Variants in ASB7 observed in about 807,000 individuals in gnomAD.
ASB7 encodes the protein ankyrin repeat and SOCS box containing 7.
A neutral mutation model predicts 32.5 loss-of-function variants in ASB7; 4 were observed. The observed-to-expected ratio is 0.12, with a 90% CI of 0.06 to 0.28. The LOEUF (loss-of-function observed/expected upper bound fraction) is 0.28. Ranked by LOEUF, ASB7 falls within the 10% of genes least tolerant of loss-of-function variation. ASB7 has a pLI of 1.00. For missense variants in ASB7, 181 were observed against 407.1 expected (o/e 0.44, Z 4.78); for synonymous variants, 172 against 155.6 (o/e 1.11, Z -0.78).
chr15:100,636,463 A>G (rs908505196), intron 5 of ASB7, among the ~76,000 whole-genome samples: 9 of 152,196 alleles, frequency 5.9e-5, no homozygotes, highest in African/African-American at 1.9e-4. Context: ...TCTCCTGTAC[A>G]TCATCCCAAA....
Position 100,612,401 on chromosome 15 carries a change from G to C in ASB7, c.185G>C (p.Cys62Ser). The change falls in exon 4 of 6, where the codon TGT (cysteine) becomes TCT (serine). Residue 62 changes from cysteine to serine, a missense_variant. Physicochemically the swap from Cys to Ser is moderately radical, Grantham distance 112. Coordinates refer to ENST00000332783, the MANE Select transcript of ASB7 (RefSeq NM_198243.3). ...TCTGCAGCAAGAGGAAAGGAAAGAT[G>C]TGTTCGGGTTTTTCTAGAACACGGA... ...HFSAARGKER[C>S]VRVFLEHGAD... is the part of the protein sequence containing the mutation. 1 of 1,613,982 alleles carries C rather than the reference G, an allele frequency of 6.2e-7. No individual in the cohort carries two copies. The highest frequency in any genetic ancestry group is 2.2e-5 in the East Asian group (1 of 44,884).
intron 2 of ASB7, among the ~76,000 whole-genome samples, chr15:100,608,037 G>T (rs1354072431): frequency 6.6e-6 from 1 of 152,184 alleles, no homozygotes; most frequent in Admixed American, 6.5e-5. Context: ...TTGAAGCTAT[G>T]TTGGGTCATG....
At position 100,605,884 on chromosome 15, in the gene ASB7, C is replaced by T. The variant is rs543595216; in HGVS notation, c.-174+2571C>T. 2.6e-5 allele frequency among the ~76,000 whole-genome samples: 4 copies of T among 152,310 alleles called. 1 individual carries two copies. The highest frequency in any genetic ancestry group is 2.6e-4 in the Admixed American group (4 of 15,304). ...CACTTCATGAAAATTATTGGTTTCT[C>T]TGCTGGAATTTATGTGGGTCATGGA... On this transcript the variant is annotated intron_variant, in intron 2 of 5. Coordinates refer to ENST00000332783, the MANE Select transcript of ASB7 (RefSeq NM_198243.3).
In ASB7 at chr15:100,612,515, C is replaced by A; in HGVS notation, c.211+88C>A. 3 of 1,226,632 alleles carry A rather than the reference C, an allele frequency of 2.4e-6. No homozygotes were observed. The South Asian group carries it at 3.8e-5, about 16-fold the overall frequency. The allele number at this position is 1,226,632 out of a possible 1,614,324, so 76.0% of individuals were successfully genotyped here. A position where few individuals can be genotyped will look rare whatever the true frequency, so the allele number is the denominator to read the frequency against. ...ATGTGTCTATTTGTAATTTTTAATG[C>A]TTCTCTTCTGTTAATACTCAACATA... is the stretch of plus-strand genomic sequence containing the variant. On this transcript the variant is annotated intron_variant, in intron 4 of 5. Transcript: ENST00000332783.
intron 5 of ASB7, among the ~76,000 whole-genome samples, chr15:100,640,466 G>C (rs1401585373): frequency 2.6e-5 from 4 of 152,198 alleles, no homozygotes; most frequent in Middle Eastern, 3.4e-3. Flanking sequence ...TTTAAAATGG[G>C]AAGCTGAAAT....
At chr15:100,643,715 A>C (rs1379403919) in intron 5 of ASB7, among the ~76,000 whole-genome samples, 1 of 150,514 alleles carries the variant, frequency 6.6e-6, no homozygotes, top group Non-Finnish European at 1.5e-5. Context: ...GGATGGTCTC[A>C]ATCTCCTGAC....
chr15:100,612,324 A>C lies in ASB7; in HGVS notation c.108A>C (p.Gln36His). The change falls in exon 4 of 6, where the codon CAA becomes CAC. Residue 36 changes from glutamine to histidine, a missense_variant. Physicochemically the swap from Gln to His is conservative, Grantham distance 24. Transcript: ENST00000332783. ...ACACAGTGCGAAAGATGCTAGAACA[A>C]GGCTATTCCCCGAATGGCCGAGATG... ...DVHTVRKMLEQGYSPNGRDAN... is the reference protein window; with the variant it reads ...DVHTVRKMLEHGYSPNGRDAN... 1 of 1,614,004 alleles carries C rather than the reference A, an allele frequency of 6.2e-7. No homozygotes were observed. The highest frequency in any genetic ancestry group is 8.5e-7 in the Non-Finnish European group (1 of 1,179,880).
At chr15:100,617,826 G>A (rs950537214) in intron 4 of ASB7, among the ~76,000 whole-genome samples, 1 of 152,168 alleles carries the variant, frequency 6.6e-6, no homozygotes, top group Non-Finnish European at 1.5e-5. Context: ...GAAAGAAAGC[G>A]AAAACTAACA....
Position 100,612,172 on chromosome 15 carries a change from C to T in ASB7, c.-45C>T. ...CTACCTTCTCTTCTTAAAGGCTGAT[C>T]CCCGTAACCTAATGAATCCTTTGTA... On this transcript the variant is annotated 5_prime_UTR_variant, in exon 4 of 6. Transcript: ENST00000332783. The T allele has an allele frequency of 2.6e-6, 4 of 1,518,772 alleles. No individual in the cohort carries two copies. Among genetic ancestry groups the T allele is most frequent in the Non-Finnish European group, 3.6e-6 (4 of 1,096,540 alleles). 94.1% of individuals were successfully genotyped at this position (1,518,772 alleles called of 1,614,324 possible).
At chr15:100,616,548 A>G (rs2039744882) in intron 4 of ASB7, among the ~76,000 whole-genome samples, 1 of 152,186 alleles carries the variant, frequency 6.6e-6, no homozygotes, top group African/African-American at 2.4e-5. Flanking sequence ...TTTTCCCATA[A>G]AGACAGCCTA....
chr15:100,624,946 CAAT>C (rs2039825239), intron 4 of ASB7, among the ~76,000 whole-genome samples: 1 of 152,012 alleles, frequency 6.6e-6, no homozygotes, highest in Non-Finnish European at 1.5e-5. Context: ...TCCAGGAGTA[CAAT>C]ATTTGTTTAA....
At chr15:100,611,484 CTT>C (rs61153969) in intron 3 of ASB7, among the ~76,000 whole-genome samples, 2 of 77,142 alleles carry the variant, frequency 2.6e-5, no homozygotes, top group African/African-American at 9.8e-5. Context: ...TGTTTCGATT[CTT>C]TTTTTTTTTT....
intron 4 of ASB7, among the ~76,000 whole-genome samples, chr15:100,627,759 C>G (rs2039851744): frequency 6.6e-6 from 1 of 152,202 alleles, no homozygotes; most frequent in Non-Finnish European, 1.5e-5. Flanking sequence ...TTAAATTTCA[C>G]TTGCAGATTA....
chr15:100,610,845 A>T (rs1338249642), intron 3 of ASB7, among the ~76,000 whole-genome samples: 1 of 152,224 alleles, frequency 6.6e-6, no homozygotes, highest in African/African-American at 2.4e-5. Context: ...CAAAGGGACT[A>T]CTAGTTAAGA....
intron 3 of ASB7, among the ~76,000 whole-genome samples, chr15:100,610,102 C>T (rs181430397): frequency 3.2e-4 from 49 of 152,308 alleles, no homozygotes; most frequent in Admixed American, 9.2e-4. Context: ...AGCATTTTCT[C>T]TCATAACAGA....
At chr15:100,624,715 G>A (rs1474709953) in intron 4 of ASB7, among the ~76,000 whole-genome samples, 6 of 152,162 alleles carry the variant, frequency 3.9e-5, no homozygotes, top group South Asian at 2.1e-4. Flanking sequence ...ATTAAAGGAC[G>A]TAAATAAGGA....
At chr15:100,643,140 C>G (rs2039972693) in intron 5 of ASB7, among the ~76,000 whole-genome samples, 1 of 152,140 alleles carries the variant, frequency 6.6e-6, no homozygotes, top group Admixed American at 6.5e-5. Flanking sequence ...TGTCAGTGAC[C>G]TCAGTTCCCT....
At chr15:100,615,612 G>A (rs1031435574) in intron 4 of ASB7, among the ~76,000 whole-genome samples, 7 of 152,152 alleles carry the variant, frequency 4.6e-5, no homozygotes, top group Admixed American at 3.9e-4. Flanking sequence ...GATCAGTGAG[G>A]GCAAGTCTCT....
chr15:100,629,205 A>G lies in ASB7; in HGVS notation c.212-232A>G, dbSNP rs1462882523. ...CGTGTTTTTTGTGTATATCTTTTTA[A>G]ACACTTTGTCTTTCTCCTTTCATTA... On this transcript the variant is annotated intron_variant, in intron 4 of 5. Transcript: ENST00000332783. The surrounding 1 kb of genome is among the most constrained non-coding windows in gnomAD (Gnocchi z 6.8). 6.6e-6 allele frequency among the ~76,000 whole-genome samples: 1 copy of G among 152,240 alleles called. No individual in the cohort carries two copies. The highest frequency in any genetic ancestry group is 1.9e-4 in the East Asian group (1 of 5,202).
Sources: gnomAD v4.1 joint callset for allele counts (sites outside exome capture counted in the v4.1 genomes callset) on GRCh38, gnomAD v4.1.1 for gene constraint, Gnocchi (gnomAD v3.1) non-coding constraint, MANE v1.5 for transcripts, NCBI Gene and HGNC (gene_info 2026-07-23, HGNC 2026-07-21) for gene names.